Variants in TENM4 observed in about 807,000 individuals in gnomAD.
TENM4 encodes teneurin-4.
TENM4 carries 82 observed loss-of-function variants against 243.3 expected under a neutral mutation model. That is an observed-to-expected ratio of 0.34 (90% confidence interval 0.28 to 0.40). TENM4 has a LOEUF of 0.40. Among genes scored for constraint, TENM4 ranks in the 10% least tolerant of loss-of-function variants. TENM4 has a pLI of 1.00. For synonymous variants in TENM4, 1,412 were observed against 1,456.3 expected, an observed-to-expected ratio of 0.97 and a Z score of 0.69; for missense variants, 3,138 against 3,673.3, an observed-to-expected ratio of 0.85 and a Z score of 3.77.
intron 1 of TENM4, among the ~76,000 whole-genome samples, chr11:79,317,483 A>G (rs1003673005): frequency 1.3e-5 from 2 of 152,258 alleles, no homozygotes; most frequent in African/African-American, 4.8e-5. Context: ...GCTTGATATG[A>G]TGAGCAGAGT....
intron 5 of TENM4, among the ~76,000 whole-genome samples, chr11:79,067,593 A>G (rs1462605386): frequency 6.6e-6 from 1 of 152,222 alleles, no homozygotes; most frequent in African/African-American, 2.4e-5. Context: ...CATCAATACA[A>G]GTGAGTTAAG....
chr11:79,045,746 A>G (rs1859641358), intron 6 of TENM4, among the ~76,000 whole-genome samples: 1 of 151,978 alleles, frequency 6.6e-6, no homozygotes. Context: ...TTAAATTAGA[A>G]AAAGCCCCCA....
chr11:79,123,118 A>G (rs1225537729), intron 4 of TENM4, among the ~76,000 whole-genome samples: 1 of 152,196 alleles, frequency 6.6e-6, no homozygotes, highest in Non-Finnish European at 1.5e-5. Flanking sequence ...ACGTTGGGAA[A>G]GGGAACTCAG....
intron 3 of TENM4, among the ~76,000 whole-genome samples, chr11:79,156,199 C>T (rs542374521): frequency 3.3e-5 from 5 of 152,280 alleles, no homozygotes; most frequent in Admixed American, 3.3e-4. Context: ...CACTGTGGCT[C>T]CGGCCACTTG....
chr11:79,391,547 G>A (rs181885977), intron 1 of TENM4, among the ~76,000 whole-genome samples: 2 of 152,266 alleles, frequency 1.3e-5, no homozygotes, highest in Admixed American at 1.3e-4. Context: ...AGAGCCACAG[G>A]CCCTTATCAA....
intron 4 of TENM4, among the ~76,000 whole-genome samples, chr11:79,123,302 A>T (rs990741254): frequency 6.6e-6 from 1 of 152,180 alleles, no homozygotes; most frequent in Non-Finnish European, 1.5e-5. Context: ...CCCATTTTAC[A>T]GCTGAAAATA....
chr11:79,217,510 G>T (rs1350675461), intron 2 of TENM4, among the ~76,000 whole-genome samples: 1 of 152,130 alleles, frequency 6.6e-6, no homozygotes, highest in African/African-American at 2.4e-5. Flanking sequence ...TTATTATAAG[G>T]TGAGGAATTG....
At chr11:79,306,938 T>C (rs1377030500) in intron 1 of TENM4, among the ~76,000 whole-genome samples, 1 of 152,192 alleles carries the variant, frequency 6.6e-6, no homozygotes, top group Non-Finnish European at 1.5e-5. Context: ...ACTGCTGCCA[T>C]AGTCGTGGAC....
In TENM4 at chr11:78,851,371, C is replaced by T. The variant is rs546041955; in HGVS notation, c.1681+2733G>A. 9.9e-5 allele frequency among the ~76,000 whole-genome samples: 15 copies of T among 152,268 alleles called. No individual in the cohort carries two copies. The East Asian group carries it at 2.5e-3, about 26-fold the overall frequency. ...GGCAGAACCAAAGGGAAAAGAAGAC[C>T]GTCTCCCTAATTATGAGAAGACAGG... On this transcript the variant is annotated intron_variant, in intron 12 of 33. Transcript: ENST00000278550.
At chr11:79,374,458 C>A (rs905935838) in intron 1 of TENM4, among the ~76,000 whole-genome samples, 3 of 152,016 alleles carry the variant, frequency 2.0e-5, no homozygotes, top group African/African-American at 7.2e-5. Context: ...GCATTTAGCC[C>A]ACTGAGTGAG....
Position 79,297,522 on chromosome 11 carries a change from C to T in TENM4, c.-299G>A, listed in dbSNP as rs946816801. Reference sequence around the variant, plus strand: ...AAGTGTCTGAGAGATCACTAGCCCTCTCTGATTCTCAGTTTTTCCATCTGC... The same window carrying T: ...AAGTGTCTGAGAGATCACTAGCCCTTTCTGATTCTCAGTTTTTCCATCTGC... On this transcript the variant is annotated 5_prime_UTR_variant, in exon 2 of 34. Transcript: ENST00000278550. 8 of 152,624 alleles carry T rather than the reference C, an allele frequency of 5.2e-5. No individual in the cohort carries two copies. The highest frequency in any genetic ancestry group is 1.7e-4 in the African/African-American group (7 of 41,424). The allele number at this position is 152,624 out of a possible 1,614,324, so 9.5% of individuals were successfully genotyped here.
chr11:79,083,139 G>A (rs1205114240), intron 4 of TENM4, among the ~76,000 whole-genome samples: 1 of 152,182 alleles, frequency 6.6e-6, no homozygotes. Context: ...GTAAAGAAAG[G>A]GATTCTCCAG....
intron 1 of TENM4, among the ~76,000 whole-genome samples, chr11:79,371,134 G>C (rs1857776785): frequency 6.6e-6 from 1 of 152,222 alleles, no homozygotes; most frequent in Admixed American, 6.5e-5. Context: ...GGCAAAAATA[G>C]AGAGCTCTGT....
rs1859382288 is a variant in TENM4, at chr11:79,440,545, G to A, written c.-357C>T. 1 of 152,204 alleles carries A rather than the reference G, an allele frequency of 6.6e-6. No homozygotes were observed. The highest frequency in any genetic ancestry group is 1.5e-5 in the Non-Finnish European group (1 of 68,074). The allele number at this position is 152,204 out of a possible 1,614,324, so 9.4% of individuals were successfully genotyped here. On this transcript the variant is annotated 5_prime_UTR_variant, in exon 1 of 34. Transcript: ENST00000278550. The surrounding 1 kb of genome is among the most constrained non-coding windows in gnomAD (Gnocchi z 4.7). Reference sequence around the variant, plus strand: ...GCTGCTACCGCCGGGGAAGCGGCGAGGACGGCGGCAGGGAGGCAAGGCGCC... The same window carrying A: ...GCTGCTACCGCCGGGGAAGCGGCGAAGACGGCGGCAGGGAGGCAAGGCGCC...
At chr11:79,184,307 A>G (rs1447418646) in intron 3 of TENM4, among the ~76,000 whole-genome samples, 1 of 152,104 alleles carries the variant, frequency 6.6e-6, no homozygotes, top group African/African-American at 2.4e-5. Context: ...TTCAGGATGA[A>G]CCTGCTTGAT....
intron 27 of TENM4, among the ~76,000 whole-genome samples, chr11:78,704,902 A>C (rs1333977593): frequency 6.6e-6 from 1 of 152,190 alleles, no homozygotes; most frequent in Non-Finnish European, 1.5e-5. Flanking sequence ...GCCCTTTCTC[A>C]GTTCTTTAGA....
At chr11:79,144,509 G>C (rs1310825915) in intron 4 of TENM4, among the ~76,000 whole-genome samples, 1 of 151,986 alleles carries the variant, frequency 6.6e-6, no homozygotes, top group African/African-American at 2.4e-5. Flanking sequence ...CTTACAATAG[G>C]CAAAATTTGG....
At chr11:79,385,199 T>C (rs542490786) in intron 1 of TENM4, among the ~76,000 whole-genome samples, 1 of 152,310 alleles carries the variant, frequency 6.6e-6, no homozygotes, top group African/African-American at 2.4e-5. Flanking sequence ...AGAATCCAGA[T>C]GCCCAGATTG....
intron 2 of TENM4, among the ~76,000 whole-genome samples, chr11:79,238,229 G>T (rs1380342389): frequency 6.6e-6 from 1 of 152,184 alleles, no homozygotes; most frequent in East Asian, 1.9e-4. Flanking sequence ...GGGGACTCAG[G>T]GGGATGGGAC....
Sources: allele counts gnomAD v4.1 joint callset (sites outside exome capture counted in the v4.1 genomes callset), GRCh38; gene constraint gnomAD v4.1.1; non-coding constraint Gnocchi (gnomAD v3.1); transcripts MANE v1.5; gene names NCBI Gene and HGNC (gene_info 2026-07-23, HGNC 2026-07-21).